LRRC37A2: variants seen among roughly 807,000 people sequenced by gnomAD.
LRRC37A2 encodes leucine-rich repeat-containing protein 37A2.
Under a neutral mutation model 68.8 loss-of-function variants are expected in LRRC37A2, and 9 were observed. The observed-to-expected ratio is 0.13, with a 90% CI of 0.08 to 0.23. LRRC37A2 has a LOEUF of 0.23. LRRC37A2 is among the 10% of genes least tolerant of loss of function. The pLI, the probability that LRRC37A2 is intolerant of heterozygous loss-of-function variation, is 1.00. For missense variants in LRRC37A2, 168 were observed against 950.4 expected (o/e 0.18, Z 10.82); for synonymous variants, 63 against 367.6 (o/e 0.17, Z 9.48).
the LRRC37A2 span, among the ~76,000 whole-genome samples, chr17:46,649,467 G>C: frequency 6.6e-6 from 1 of 152,044 alleles, no homozygotes; most frequent in Non-Finnish European, 1.5e-5. Context: ...AACTGGGCGT[G>C]AATTTGTTTT....
chr17:46,940,609 G>C, the LRRC37A2 span: 3 of 1,614,166 alleles, frequency 1.9e-6, no homozygotes, highest in South Asian at 3.3e-5. Context: ...GCAGGGAGCA[G>C]CTGAGCCATT....
chr17:46,836,022 G>C, the LRRC37A2 span, among the ~76,000 whole-genome samples: 1 of 152,006 alleles, frequency 6.6e-6, no homozygotes, highest in Non-Finnish European at 1.5e-5. Flanking sequence ...TTCTGGATGG[G>C]GCCTGCGAGG....
the LRRC37A2 span, chr17:46,924,611 AT>A: frequency 2.4e-4 from 37 of 152,112 alleles, no homozygotes; most frequent in African/African-American, 8.2e-4. Context: ...TTTCTCTTTC[AT>A]TTTCTAAGTT....
chr17:46,727,034 A>G, the LRRC37A2 span, among the ~76,000 whole-genome samples: 1 of 152,230 alleles, frequency 6.6e-6, no homozygotes, highest in African/African-American at 2.4e-5. Flanking sequence ...CACTAAGGGC[A>G]GAAGTTGTAA....
chr17:47,044,215 C>CT, the LRRC37A2 span, among the ~76,000 whole-genome samples: 10 of 147,692 alleles, frequency 6.8e-5, no homozygotes, highest in African/African-American at 1.7e-4. Context: ...TTGCTATCCA[C>CT]TTTTTTTTTC....
At chr17:46,887,850 T>C in the LRRC37A2 span, among the ~76,000 whole-genome samples, 10 of 152,176 alleles carry the variant, frequency 6.6e-5, no homozygotes, top group Non-Finnish European at 8.8e-5. Context: ...AACACTGTGC[T>C]GGGCCCCAGG....
At chr17:46,761,653 T>C in the LRRC37A2 span, among the ~76,000 whole-genome samples, 15 of 152,260 alleles carry the variant, frequency 9.9e-5, no homozygotes, top group African/African-American at 3.4e-4. Context: ...TTATTTCTCT[T>C]CGTAGTGAGG....
the LRRC37A2 span, among the ~76,000 whole-genome samples, chr17:46,991,997 A>G: frequency 1.3e-5 from 2 of 152,244 alleles, no homozygotes; most frequent in Admixed American, 1.3e-4. Flanking sequence ...GAACCAAGCT[A>G]AATGTCCAAG....
At chr17:46,598,464 A>T in the LRRC37A2 span, among the ~76,000 whole-genome samples, 1 of 152,004 alleles carries the variant, frequency 6.6e-6, no homozygotes, top group African/African-American at 2.4e-5. Flanking sequence ...AAATACACAT[A>T]CTTTAGTGCA....
chr17:46,890,258 T>C, the LRRC37A2 span, among the ~76,000 whole-genome samples: 1 of 152,158 alleles, frequency 6.6e-6, no homozygotes. Flanking sequence ...ATTTTTGTGG[T>C]TTCCCAACTC....
the LRRC37A2 span, among the ~76,000 whole-genome samples, chr17:46,987,151 G>A: frequency 6.6e-6 from 1 of 152,144 alleles, no homozygotes; most frequent in East Asian, 1.9e-4. Flanking sequence ...GCTGAGGAAG[G>A]AAAATCGCTT....
the LRRC37A2 span, among the ~76,000 whole-genome samples, chr17:46,981,345 C>G: frequency 2.0e-5 from 3 of 152,128 alleles, no homozygotes; most frequent in Non-Finnish European, 4.4e-5. Flanking sequence ...TTGTTTGGGT[C>G]AGGGGCACCA....
At chr17:46,995,539 C>A in the LRRC37A2 span, among the ~76,000 whole-genome samples, 18 of 152,174 alleles carry the variant, frequency 1.2e-4, no homozygotes, top group South Asian at 2.1e-3. Flanking sequence ...GGAGAGTACT[C>A]TTCTCCTTCC....
the LRRC37A2 span, among the ~76,000 whole-genome samples, chr17:46,976,161 C>T: frequency 1.3e-5 from 2 of 151,652 alleles, no homozygotes; most frequent in Admixed American, 6.6e-5. Context: ...CTCCTGATCT[C>T]GTGATCTGCC....
chr17:46,876,688 G>A, the LRRC37A2 span: 2 of 1,572,424 alleles, frequency 1.3e-6, no homozygotes, highest in Non-Finnish European at 1.7e-6. Flanking sequence ...AATGTGTGCA[G>A]GAGGAGCTTG....
the LRRC37A2 span, among the ~76,000 whole-genome samples, chr17:46,814,531 G>T: frequency 6.6e-6 from 1 of 152,320 alleles, no homozygotes; most frequent in East Asian, 1.9e-4. Flanking sequence ...TGCCCTGGAA[G>T]GGAGACCACC....
chr17:46,724,571 T>C, the LRRC37A2 span, among the ~76,000 whole-genome samples: 1 of 152,186 alleles, frequency 6.6e-6, no homozygotes, highest in Admixed American at 6.5e-5. Context: ...TCCAAGGCAC[T>C]GGGGAAATAC....
chr17:46,491,470 T>C, the LRRC37A2 span, among the ~76,000 whole-genome samples: 3 of 142,928 alleles, frequency 2.1e-5, no homozygotes, highest in South Asian at 4.3e-4. Context: ...ACATGAATCA[T>C]GTACACATCT....
chr17:46,903,965 G>A, the LRRC37A2 span, among the ~76,000 whole-genome samples: 9 of 151,634 alleles, frequency 5.9e-5, no homozygotes, highest in African/African-American at 2.2e-4. Context: ...GGTTGGATGT[G>A]TGTGTGGGTG....
Sources: allele counts gnomAD v4.1 joint callset (sites outside exome capture counted in the v4.1 genomes callset), GRCh38; gene constraint gnomAD v4.1.1; transcripts MANE v1.5; gene names NCBI Gene and HGNC (gene_info 2026-07-23, HGNC 2026-07-21).